PRKN: variants seen among roughly 807,000 people sequenced by gnomAD.
PRKN encodes parkin RBR E3 ubiquitin protein ligase, also known as E3 ubiquitin-protein ligase parkin.
In PRKN, 56 loss-of-function variants were observed where a neutral mutation model predicts 59.5. The observed-to-expected ratio is 0.94, with a 90% confidence interval of 0.76 to 1.18. The LOEUF (loss-of-function observed/expected upper bound fraction) is 1.18, where lower values mean the gene tolerates loss of function less well. Ranked by LOEUF, PRKN falls within the 50% of genes most tolerant of loss-of-function variation. The pLI is 0.00. For missense variants in PRKN, 657 were observed against 596.4 expected, an observed-to-expected ratio of 1.10 and a Z score of -1.06; for synonymous variants, 250 against 222.1, an observed-to-expected ratio of 1.13 and a Z score of -1.12.
chr6:162,522,508 G>T (rs1004688008), intron 1 of PRKN, among the ~76,000 whole-genome samples: 7 of 152,224 alleles, frequency 4.6e-5, no homozygotes, highest in African/African-American at 1.7e-4. Context: ...GCAGATTAAA[G>T]AATATTTGGC....
chr6:161,954,587 T>C (rs534303329), intron 6 of PRKN, among the ~76,000 whole-genome samples: 67 of 152,312 alleles, frequency 4.4e-4, no homozygotes, highest in African/African-American at 1.4e-3. Flanking sequence ...ACTCTTGTAA[T>C]TGTTTTATTA....
intron 5 of PRKN, among the ~76,000 whole-genome samples, chr6:162,026,417 A>G (rs565287482): frequency 6.6e-6 from 1 of 152,184 alleles, no homozygotes. Flanking sequence ...AGGTCCTGTA[A>G]CCTACTGAGT....
chr6:162,094,762 C>G (rs539134189), intron 4 of PRKN, among the ~76,000 whole-genome samples: 1 of 152,202 alleles, frequency 6.6e-6, no homozygotes, highest in East Asian at 1.9e-4. Flanking sequence ...TCCTGTCCCA[C>G]GACTTAGTTT....
intron 4 of PRKN, among the ~76,000 whole-genome samples, chr6:162,096,989 C>G (rs1464580700): frequency 6.6e-6 from 1 of 151,472 alleles, no homozygotes; most frequent in Non-Finnish European, 1.5e-5. Context: ...GCCTCAGCCT[C>G]CCTCAGCCTC....
At chr6:161,500,069 A>G (rs2115299369) in intron 9 of PRKN, among the ~76,000 whole-genome samples, 1 of 152,312 alleles carries the variant, frequency 6.6e-6, no homozygotes, top group South Asian at 2.1e-4. Context: ...GTGCAGTTGA[A>G]ATGTTAATGA....
chr6:161,371,644 T>C lies in PRKN; in HGVS notation c.1168-11439A>G, dbSNP rs960606414. Among the ~76,000 whole-genome samples the C allele has an allele frequency of 6.6e-6, 1 of 151,952 alleles. No homozygotes were observed. The highest frequency in any genetic ancestry group is 1.5e-5 in the Non-Finnish European group (1 of 67,966). ...TCAGAAGGGCATTTGTTTTTATTTA[T>C]TTATCTATTTTTGAGACGGAGTTTT... On this transcript the variant is annotated intron_variant, in intron 10 of 11. Transcript: ENST00000366898. The surrounding 1 kb of genome is among the most constrained non-coding windows in gnomAD (Gnocchi z 5.5).
rs573323674 is a variant in PRKN, at chr6:162,192,176, C to G, written c.534+8955G>C. Among the ~76,000 whole-genome samples, 40 of 152,182 alleles carry G rather than the reference C, an allele frequency of 2.6e-4. No homozygotes were observed. The South Asian group carries it at 7.5e-3, about 28-fold the overall frequency. On this transcript the variant is annotated intron_variant, in intron 4 of 11. Coordinates refer to ENST00000366898, the MANE Select transcript of PRKN (RefSeq NM_004562.3). ...TATTTTAAAAATGTATCATCCTGCA[C>G]AATGAATAAGATTGTAGATCACTTA...
At chr6:162,627,361 T>A (rs1462408608) in intron 1 of PRKN, among the ~76,000 whole-genome samples, 1 of 152,208 alleles carries the variant, frequency 6.6e-6, no homozygotes, top group African/African-American at 2.4e-5. Context: ...ATATTTACTA[T>A]CAACTCAATG....
intron 7 of PRKN, among the ~76,000 whole-genome samples, chr6:161,749,466 CAATTTCTAT>C (rs1788584378): frequency 6.6e-6 from 1 of 152,134 alleles, no homozygotes; most frequent in African/African-American, 2.4e-5. Context: ...TTTGCAGGAT[CAATTTCTAT>C]GCAGAAGTGA....
chr6:161,494,323 G>A (rs148884231), intron 9 of PRKN, among the ~76,000 whole-genome samples: 2 of 152,240 alleles, frequency 1.3e-5, no homozygotes, highest in East Asian at 3.9e-4. Flanking sequence ...CAATATACTT[G>A]ACTACTTCAA....
intron 4 of PRKN, among the ~76,000 whole-genome samples, chr6:162,157,897 T>C (rs2128315609): frequency 6.6e-6 from 1 of 152,178 alleles, no homozygotes; most frequent in Non-Finnish European, 1.5e-5. Context: ...TCCATAATAA[T>C]AATACTTTCA....
At chr6:162,658,478 A>G (rs1778742741) in intron 1 of PRKN, among the ~76,000 whole-genome samples, 2 of 152,074 alleles carry the variant, frequency 1.3e-5, no homozygotes, top group South Asian at 4.1e-4. Context: ...CCTAGCCAAC[A>G]TGGTGAAACC....
chr6:162,363,331 T>C (rs1285983505), intron 2 of PRKN, among the ~76,000 whole-genome samples: 1 of 151,040 alleles, frequency 6.6e-6, no homozygotes, highest in African/African-American at 2.5e-5. Flanking sequence ...GGTTTCTATG[T>C]TGAATCTGAA....
intron 1 of PRKN, among the ~76,000 whole-genome samples, chr6:162,496,030 G>C (rs1330391917): frequency 6.6e-6 from 1 of 152,172 alleles, no homozygotes; most frequent in African/African-American, 2.4e-5. Flanking sequence ...TTGAGGTCAG[G>C]AGTTTGAGAC....
intron 1 of PRKN, among the ~76,000 whole-genome samples, chr6:162,488,451 G>T (rs1451931780): frequency 6.6e-6 from 1 of 152,154 alleles, no homozygotes; most frequent in Non-Finnish European, 1.5e-5. Context: ...TAAGGTGTGG[G>T]TCGCCTCCAG....
chr6:162,174,168 G>A (rs906720137), intron 4 of PRKN, among the ~76,000 whole-genome samples: 5 of 152,150 alleles, frequency 3.3e-5, no homozygotes, highest in Admixed American at 1.3e-4. Context: ...GAAGTTATAC[G>A]ATTTTAAAAT....
chr6:162,726,442 C>T (rs906942020), intron 1 of PRKN, among the ~76,000 whole-genome samples: 1 of 151,984 alleles, frequency 6.6e-6, no homozygotes, highest in African/African-American at 2.4e-5. Flanking sequence ...ATATTTTTTT[C>T]GTAATTTGAT....
chr6:161,649,613 T>G (rs763373231), intron 7 of PRKN, among the ~76,000 whole-genome samples: 2 of 152,216 alleles, frequency 1.3e-5, no homozygotes, highest in Non-Finnish European at 2.9e-5. Context: ...GAGACTTTTG[T>G]GTTTTATTTC....
chr6:161,348,470 G>A lies in PRKN; in HGVS notation c.*1629C>T. ...GCCACATGAAGCTGTGAATGCTGAT[G>A]TGGCTGCTGCAGAGCCCAGTCTCTC... On this transcript the variant is annotated 3_prime_UTR_variant, in exon 12 of 12. Coordinates refer to ENST00000366898, the MANE Select transcript of PRKN (RefSeq NM_004562.3). This position sits in a 1 kb window ranked among gnomAD's most constrained non-coding sequence, Gnocchi z 4.9. The A allele has an allele frequency of 4.6e-6, 1 of 219,460 alleles. No homozygotes were observed. The highest frequency in any genetic ancestry group is 9.1e-6 in the Non-Finnish European group (1 of 109,418). The allele number at this position is 219,460 out of a possible 1,614,324, so 13.6% of individuals were successfully genotyped here.
Sources: gnomAD v4.1 joint callset for allele counts (sites outside exome capture counted in the v4.1 genomes callset) on GRCh38, gnomAD v4.1.1 for gene constraint, Gnocchi (gnomAD v3.1) non-coding constraint, MANE v1.5 for transcripts, NCBI Gene and HGNC (gene_info 2026-07-23, HGNC 2026-07-21) for gene names.